The following CNTNAP2 variants were observed in gnomAD, a reference collection of about 807,000 sequenced individuals.
CNTNAP2 encodes the protein contactin associated protein 2.
In CNTNAP2, 98 loss-of-function variants were observed where a neutral mutation model predicts 155.2. That is an observed-to-expected ratio of 0.63 (90% CI 0.54 to 0.75). CNTNAP2 has a LOEUF of 0.75. Ranked by LOEUF, CNTNAP2 falls within the 30% of genes least tolerant of loss-of-function variation. CNTNAP2 has a pLI of 0.00. For missense variants in CNTNAP2, 1,727 were observed against 1,688.1 expected (o/e 1.02, Z -0.40); for synonymous variants, 651 against 631.2 (o/e 1.03, Z -0.47).
intron 1 of CNTNAP2, among the ~76,000 whole-genome samples, chr7:146,444,487 C>A (rs564986884): frequency 1.7e-4 from 26 of 152,230 alleles, no homozygotes; most frequent in Admixed American, 1.6e-3. Flanking sequence ...TAGATACATC[C>A]TGGACTGGAT....
intron 2 of CNTNAP2, among the ~76,000 whole-genome samples, chr7:146,780,209 G>A (rs1358905217): frequency 2.7e-5 from 4 of 150,552 alleles, no homozygotes; most frequent in African/African-American, 9.7e-5. Context: ...TTTTTGAGAC[G>A]GAGTCTCTCT....
intron 1 of CNTNAP2, among the ~76,000 whole-genome samples, chr7:146,350,651 C>A (rs1337476304): frequency 1.3e-5 from 2 of 151,962 alleles, no homozygotes; most frequent in Non-Finnish European, 1.5e-5. Context: ...ACTATAAATA[C>A]CATTTGACCC....
At chr7:147,668,429 C>T (rs1386931928) in intron 13 of CNTNAP2, among the ~76,000 whole-genome samples, 2 of 152,130 alleles carry the variant, frequency 1.3e-5, no homozygotes, top group Non-Finnish European at 2.9e-5. Context: ...CTTCAGGAGC[C>T]ATTCCAGAAG....
intron 1 of CNTNAP2, among the ~76,000 whole-genome samples, chr7:146,625,342 G>C (rs1394392669): frequency 6.8e-6 from 1 of 147,740 alleles, no homozygotes; most frequent in Non-Finnish European, 1.5e-5. Context: ...TGGGGTATTA[G>C]AAAAGACTAC....
At chr7:147,170,567 T>A (rs1483377714) in intron 8 of CNTNAP2, among the ~76,000 whole-genome samples, 2 of 111,886 alleles carry the variant, frequency 1.8e-5, no homozygotes, top group Admixed American at 1.8e-4. Flanking sequence ...AACCTGTGCA[T>A]CTCACCCTTC....
chr7:147,749,368 A>G (rs1337047654), intron 13 of CNTNAP2, among the ~76,000 whole-genome samples: 1 of 152,194 alleles, frequency 6.6e-6, no homozygotes, highest in African/African-American at 2.4e-5. Context: ...TGTTTTACAT[A>G]TTTAAGTTTC....
intron 10 of CNTNAP2, among the ~76,000 whole-genome samples, chr7:147,418,898 G>A (rs1274992439): frequency 6.6e-6 from 1 of 152,122 alleles, no homozygotes; most frequent in African/African-American, 2.4e-5. Flanking sequence ...ATTCTCACCG[G>A]GGAACAAAGT....
chr7:147,440,570 G>C (rs1343363816), intron 10 of CNTNAP2, among the ~76,000 whole-genome samples: 1 of 151,904 alleles, frequency 6.6e-6, no homozygotes, highest in East Asian at 1.9e-4. Flanking sequence ...TGTACCTCTT[G>C]GTGATTTCTT....
chr7:147,802,140 G>T (rs1428216705), intron 13 of CNTNAP2, among the ~76,000 whole-genome samples: 5 of 150,562 alleles, frequency 3.3e-5, no homozygotes, highest in Admixed American at 1.3e-4. Context: ...CCCAGACGGG[G>T]TCGCGGCCGG....
At chr7:148,323,867 G>T (rs991587324) in intron 21 of CNTNAP2, among the ~76,000 whole-genome samples, 1 of 146,992 alleles carries the variant, frequency 6.8e-6, no homozygotes. Flanking sequence ...AGTGAGACTT[G>T]TCTCTGAAGC....
intron 1 of CNTNAP2, among the ~76,000 whole-genome samples, chr7:146,233,725 T>C (rs1312182689): frequency 1.3e-5 from 2 of 152,054 alleles, no homozygotes; most frequent in African/African-American, 4.8e-5. Context: ...GTTTGGTTTT[T>C]TGTTCTTGCG....
At chr7:146,841,571 GA>G (rs1391766064) in intron 3 of CNTNAP2, among the ~76,000 whole-genome samples, 2 of 151,900 alleles carry the variant, frequency 1.3e-5, no homozygotes, top group Non-Finnish European at 2.9e-5. Flanking sequence ...TACTTTCTGT[GA>G]TTTCTAAACT....
chr7:146,563,140 T>G (rs753754209), intron 1 of CNTNAP2, among the ~76,000 whole-genome samples: 18 of 152,334 alleles, frequency 1.2e-4, no homozygotes, highest in Admixed American at 2.6e-4. Context: ...CAGTTAAGTT[T>G]GCAGGAATAC....
intron 17 of CNTNAP2, among the ~76,000 whole-genome samples, chr7:148,162,832 C>CA (rs201351845): frequency 1.3e-5 from 2 of 150,214 alleles, no homozygotes; most frequent in Non-Finnish European, 3.0e-5. Context: ...CTTGTCTCTA[C>CA]AAAAAAAAAT....
At chr7:146,716,205 G>A (rs1801184202) in intron 1 of CNTNAP2, among the ~76,000 whole-genome samples, 1 of 138,460 alleles carries the variant, frequency 7.2e-6, no homozygotes, top group Non-Finnish European at 1.5e-5. Context: ...GGAAAGCTAA[G>A]TCTGCAGGAA....
intron 1 of CNTNAP2, among the ~76,000 whole-genome samples, chr7:146,378,147 A>T (rs1189383520): frequency 6.6e-6 from 1 of 152,186 alleles, no homozygotes; most frequent in Non-Finnish European, 1.5e-5. Flanking sequence ...AATATTTATA[A>T]CAATGTTATG....
intron 4 of CNTNAP2, among the ~76,000 whole-genome samples, chr7:147,092,755 C>T (rs1310988755): frequency 6.6e-6 from 1 of 152,066 alleles, no homozygotes; most frequent in Non-Finnish European, 1.5e-5. Context: ...TTCTACATAC[C>T]TCTGTACTAC....
chr7:147,084,921 T>C (rs1330141050), intron 4 of CNTNAP2, among the ~76,000 whole-genome samples: 1 of 151,384 alleles, frequency 6.6e-6, no homozygotes, highest in Non-Finnish European at 1.5e-5. Context: ...TTTAGTCATA[T>C]CATTTAATAT....
intron 3 of CNTNAP2, among the ~76,000 whole-genome samples, chr7:146,976,970 G>A (rs757507233): frequency 3.9e-5 from 6 of 152,148 alleles, no homozygotes; most frequent in South Asian, 2.1e-4. Flanking sequence ...CAGAAAGGCG[G>A]AGGAAGATTC....
Sources: allele counts gnomAD v4.1 joint callset (sites outside exome capture counted in the v4.1 genomes callset), GRCh38; gene constraint gnomAD v4.1.1; transcripts MANE v1.5; gene names NCBI Gene and HGNC (gene_info 2026-07-23, HGNC 2026-07-21).